The following ZNF700 variants were observed in gnomAD, a reference collection of about 807,000 sequenced individuals.
ZNF700 encodes zinc finger protein 700.
In ZNF700, 38 loss-of-function variants were observed where a neutral mutation model predicts 65.3. That is an observed-to-expected ratio of 0.58 (90% CI 0.45 to 0.76). ZNF700 has a LOEUF of 0.76. Among genes scored for constraint, ZNF700 ranks in the 30% least tolerant of loss-of-function variants. The pLI is 0.00. For synonymous variants in ZNF700, 285 were observed against 290.4 expected (o/e 0.98, Z 0.19); for missense variants, 857 against 888.4 (o/e 0.96, Z 0.45).
intron 1 of ZNF700, among the ~76,000 whole-genome samples, chr19:11,942,923 A>G (rs1346266621): frequency 6.6e-6 from 1 of 151,960 alleles, no homozygotes; most frequent in Non-Finnish European, 1.5e-5. Flanking sequence ...CCCTTTGAGA[A>G]TCTCACTTAT....
chr19:11,927,421 TTTAAATAAATAAATAAATAA>T (rs1972646493), intron 1 of ZNF700, among the ~76,000 whole-genome samples: 1 of 107,808 alleles, frequency 9.3e-6, no homozygotes, highest in African/African-American at 4.2e-5. Context: ...CCTGTCTCTA[TTTAAATAAATAAATAAATAA>T]ATAAATAAAT....
At chr19:11,931,589 T>G (rs999507418) in intron 1 of ZNF700, among the ~76,000 whole-genome samples, 3 of 148,250 alleles carry the variant, frequency 2.0e-5, no homozygotes, top group African/African-American at 7.9e-5. Flanking sequence ...TCTTTAGAAG[T>G]ACCTTTTTCT....
chr19:11,950,254 C>G lies in ZNF700; in HGVS notation c.*1C>G, dbSNP rs201222109. ...GGATTGTGGGAAAGCATTCAGCTAGCCTGGTTCCTTTTATGGACATGAATA... is the reference window on the plus strand; with the variant it reads ...GGATTGTGGGAAAGCATTCAGCTAGGCTGGTTCCTTTTATGGACATGAATA... On this transcript the variant is annotated 3_prime_UTR_variant, in exon 4 of 4. Coordinates refer to ENST00000254321, the MANE Select transcript of ZNF700 (RefSeq NM_144566.3). The G allele has an allele frequency of 1.6e-5, 26 of 1,604,764 alleles. No homozygotes were observed. The highest frequency in any genetic ancestry group is 2.0e-5 in the Non-Finnish European group (24 of 1,177,018).
intron 1 of ZNF700, among the ~76,000 whole-genome samples, chr19:11,938,279 C>T (rs1220763602): frequency 1.3e-5 from 2 of 152,056 alleles, no homozygotes; most frequent in Non-Finnish European, 2.9e-5. Context: ...TACATGTGCA[C>T]AATGTGCAGG....
intron 1 of ZNF700, among the ~76,000 whole-genome samples, chr19:11,943,000 A>C (rs1972908777): frequency 1.3e-5 from 2 of 152,186 alleles, no homozygotes; most frequent in Non-Finnish European, 2.9e-5. Flanking sequence ...ATAGTGGTTA[A>C]TGTAATACAC....
In ZNF700 at chr19:11,949,952, C is replaced by T; in HGVS notation, c.1928C>T (p.Thr643Ile). 1 of 1,614,148 alleles carries T rather than the reference C, an allele frequency of 6.2e-7. No individual in the cohort carries two copies. Among genetic ancestry groups the T allele is most frequent in the Non-Finnish European group, 8.5e-7 (1 of 1,180,030 alleles). The change falls in exon 4 of 4, where the codon ACT becomes ATT. Residue 643 changes from threonine (T) to isoleucine (I), a missense_variant. By Grantham distance (89) the Thr-to-Ile change is moderately conservative. This residue lies in a region of ZNF700 where 251 missense variants were observed against 250.3 expected (regional missense o/e 1.00). Coordinates refer to ENST00000254321, the MANE Select transcript of ZNF700 (RefSeq NM_144566.3). The stretch of plus-strand genomic sequence containing the variant: ...CTTCAGATGCATGAAAGGACTCACA[C>T]TGGAGAGAAACCCTATGAATGTAAG... Reference protein sequence around the residue: ...SNLQMHERTHTGEKPYECKEC... With the variant: ...SNLQMHERTHIGEKPYECKEC...
chr19:11,950,565 G>T lies in ZNF700; in HGVS notation c.*312G>T. On this transcript the variant is annotated 3_prime_UTR_variant, in exon 4 of 4. Coordinates refer to ENST00000254321, the MANE Select transcript of ZNF700 (RefSeq NM_144566.3). ...GCAATGTGGGAAAGCCTTCAGATGTGCCTCGCACCTTCAACGGCATGGAAG... is the reference window on the plus strand; with the variant it reads ...GCAATGTGGGAAAGCCTTCAGATGTTCCTCGCACCTTCAACGGCATGGAAG... 1.8e-6 allele frequency: 1 copy of T among 553,270 alleles called. No homozygotes were observed. The allele number at this position is 553,270 out of a possible 1,614,324, so 34.3% of individuals were successfully genotyped here.
chr19:11,947,685 T>C (rs541614674), intron 3 of ZNF700, 111 bp downstream of exon 3: 2 of 1,093,706 alleles, frequency 1.8e-6, no homozygotes, highest in South Asian at 2.8e-5. Context: ...AATTCATTTC[T>C]TCTTAGAATA....
In ZNF700 at chr19:11,950,119, A is replaced by G. The variant is rs1568299102; in HGVS notation, c.2095A>G (p.Ile699Val). ...KILQIHARTHIGEKHYECKEC... is the reference protein window; with the variant it reads ...KILQIHARTHVGEKHYECKEC... Reference sequence around the variant, plus strand: ...TCTTCAAATACATGCAAGAACACACATTGGAGAGAAACACTATGAATGTAA... The same window carrying G: ...TCTTCAAATACATGCAAGAACACACGTTGGAGAGAAACACTATGAATGTAA... Residue 699 changes from isoleucine (I) to valine (V), a missense_variant, in exon 4 of 4, where the codon ATT (isoleucine) becomes GTT (valine). Ile to Val is a conservative substitution (Grantham distance 29, BLOSUM62 3). Transcript: ENST00000254321. 2 of 1,614,208 alleles carry G rather than the reference A, an allele frequency of 1.2e-6. No individual in the cohort carries two copies. The highest frequency in any genetic ancestry group is 1.7e-6 in the Non-Finnish European group (2 of 1,180,034).
At chr19:11,947,063 G>C (rs544037747) in intron 1 of ZNF700, 118 bp from the exon 2 acceptor site, 1 of 1,457,536 alleles carries the variant, frequency 6.9e-7, no homozygotes, top group African/African-American at 1.4e-5. Flanking sequence ...TCTGATAACC[G>C]AAGCAGGGAA....
intron 1 of ZNF700, among the ~76,000 whole-genome samples, chr19:11,943,384 T>C (rs1022557128): frequency 6.6e-6 from 1 of 152,240 alleles, no homozygotes; most frequent in African/African-American, 2.4e-5. Context: ...CATCTGGGTT[T>C]CTTACCGGGC....
At chr19:11,941,685 C>T (rs530208444) in intron 1 of ZNF700, among the ~76,000 whole-genome samples, 1 of 152,342 alleles carries the variant, frequency 6.6e-6, no homozygotes, top group Non-Finnish European at 1.5e-5. Flanking sequence ...TCCCTCCACC[C>T]CTCCCTGCAA....
intron 1 of ZNF700, among the ~76,000 whole-genome samples, chr19:11,940,792 G>A (rs1056988114): frequency 6.9e-4 from 105 of 152,198 alleles, no homozygotes; most frequent in Non-Finnish European, 4.3e-4. Flanking sequence ...TGATTGGTGC[G>A]TTTACAATCC....
chr19:11,927,999 C>T (rs1289912054), intron 1 of ZNF700, among the ~76,000 whole-genome samples: 1 of 150,474 alleles, frequency 6.6e-6, no homozygotes, highest in African/African-American at 2.5e-5. Context: ...TGAGATACAA[C>T]AATTTTTTTT....
At chr19:11,940,910 C>T (rs1326634354) in intron 1 of ZNF700, among the ~76,000 whole-genome samples, 1 of 151,532 alleles carries the variant, frequency 6.6e-6, no homozygotes, top group Non-Finnish European at 1.5e-5. Context: ...TACAGAGTGT[C>T]GATTGGTGCA....
intron 1 of ZNF700, among the ~76,000 whole-genome samples, chr19:11,925,937 A>T (rs534526100): frequency 6.6e-6 from 1 of 152,174 alleles, no homozygotes; most frequent in South Asian, 2.1e-4. Context: ...GAAAATGATG[A>T]ATCAGTGCCT....
At chr19:11,938,299 CAT>C (rs1972828562) in intron 1 of ZNF700, among the ~76,000 whole-genome samples, 2 of 152,028 alleles carry the variant, frequency 1.3e-5, no homozygotes, top group Admixed American at 6.6e-5. Context: ...GTTTGTTACA[CAT>C]GTATACATGT....
intron 1 of ZNF700, among the ~76,000 whole-genome samples, chr19:11,939,034 G>T (rs973779965): frequency 1.3e-5 from 2 of 152,210 alleles, no homozygotes; most frequent in African/African-American, 2.4e-5. Context: ...CTTTTGAGAA[G>T]TGTCTGTTCA....
rs889239272 is a variant in ZNF700, at chr19:11,932,932, C to T, written c.63+7659C>T. ...GATTACAGGCGTGAGCCACTGCACCCGGCCAATATGTGATATTTTATATTG... is the reference window on the plus strand; with the variant it reads ...GATTACAGGCGTGAGCCACTGCACCTGGCCAATATGTGATATTTTATATTG... On this transcript the variant is annotated intron_variant, in intron 1 of 3. Transcript: ENST00000254321. Among the ~76,000 whole-genome samples, 6 of 148,294 alleles carry T rather than the reference C, an allele frequency of 4.0e-5. 2 individuals are homozygous for T. Among genetic ancestry groups the T allele is most frequent in the South Asian group, 2.1e-4 (1 of 4,784 alleles).
Sources: gnomAD v4.1 joint callset for allele counts (sites outside exome capture counted in the v4.1 genomes callset) on GRCh38, gnomAD v4.1.1 for gene constraint, gnomAD v4.1.1 regional missense constraint, MANE v1.5 for transcripts, NCBI Gene and HGNC (gene_info 2026-07-23, HGNC 2026-07-21) for gene names.